The following EFCAB5 variants were observed in gnomAD, a reference collection of about 807,000 sequenced individuals.
EFCAB5 encodes EF-hand calcium-binding domain-containing protein 5.
In EFCAB5, 131 loss-of-function variants were observed where a neutral mutation model predicts 167.9. The observed-to-expected ratio is 0.78, with a 90% confidence interval of 0.68 to 0.90. The LOEUF (loss-of-function observed/expected upper bound fraction) is 0.90. EFCAB5 is among the 40% of genes least tolerant of loss of function. EFCAB5 has a pLI of 0.00. For missense variants in EFCAB5, 1,663 were observed against 1,745.2 expected (o/e 0.95, Z 0.84); for synonymous variants, 574 against 602.8 (o/e 0.95, Z 0.70).
At chr17:29,964,375 A>C (rs2067783510) in intron 3 of EFCAB5, among the ~76,000 whole-genome samples, 1 of 150,876 alleles carries the variant, frequency 6.6e-6, no homozygotes, top group African/African-American at 2.4e-5. Flanking sequence ...GCTCACTGTA[A>C]CCTCCACCTT....
At chr17:29,989,932 C>A (rs1222868503) in intron 4 of EFCAB5, among the ~76,000 whole-genome samples, 1 of 152,090 alleles carries the variant, frequency 6.6e-6, no homozygotes, top group Non-Finnish European at 1.5e-5. Context: ...TTCCTACAAA[C>A]CTTGCGAATT....
intron 3 of EFCAB5, among the ~76,000 whole-genome samples, chr17:29,960,585 T>G (rs538102818): frequency 2.6e-5 from 4 of 152,180 alleles, no homozygotes; most frequent in African/African-American, 9.7e-5. Flanking sequence ...CCTGATGCTC[T>G]CCTTCCCCTA....
At chr17:30,102,022 T>C (rs1448853998) in intron 22 of EFCAB5, among the ~76,000 whole-genome samples, 1 of 152,186 alleles carries the variant, frequency 6.6e-6, no homozygotes, top group Non-Finnish European at 1.5e-5. Flanking sequence ...CAATGAATTA[T>C]TTGACTACCC....
At chr17:30,037,498 C>T (rs781210354) in intron 8 of EFCAB5, among the ~76,000 whole-genome samples, 19 of 152,144 alleles carry the variant, frequency 1.2e-4, no homozygotes, top group Non-Finnish European at 2.6e-4. Context: ...TATAAGCACC[C>T]CCACCCCCCA....
rs566460050 is a variant in EFCAB5, at chr17:30,020,150, C to T, written c.1045-14080C>T. ...CAAATTATATTCCATTGTGTATATA[C>T]ACCACATTTAATCTACTCATTGTTA... is the stretch of plus-strand genomic sequence containing the variant. On this transcript the variant is annotated intron_variant, in intron 7 of 22. Coordinates refer to ENST00000394835, the MANE Select transcript of EFCAB5 (RefSeq NM_198529.4). Among the ~76,000 whole-genome samples, 5 of 152,168 alleles carry T rather than the reference C, an allele frequency of 3.3e-5. No homozygotes were observed. The East Asian group carries it at 7.7e-4, about 23-fold the overall frequency.
intron 4 of EFCAB5, among the ~76,000 whole-genome samples, chr17:29,977,428 T>C (rs1041089641): frequency 3.3e-5 from 5 of 152,174 alleles, no homozygotes; most frequent in Non-Finnish European, 2.9e-5. Flanking sequence ...ACAAATTTCC[T>C]CTCTTTTCTC....
intron 7 of EFCAB5, among the ~76,000 whole-genome samples, chr17:30,022,264 A>G (rs553232034): frequency 2.6e-5 from 4 of 152,172 alleles, no homozygotes; most frequent in Non-Finnish European, 5.9e-5. Flanking sequence ...GCATTGTTGT[A>G]TGGGAGTGTG....
At chr17:29,939,433 T>C (rs2067271224), upstream of EFCAB5, among the ~76,000 whole-genome samples, 1 of 152,140 alleles carries the variant, frequency 6.6e-6, no homozygotes, top group Non-Finnish European at 1.5e-5. Flanking sequence ...AACAAGAGAG[T>C]GAGCCTATCC....
At chr17:30,025,042 A>T (rs998718640) in intron 7 of EFCAB5, among the ~76,000 whole-genome samples, 1 of 152,122 alleles carries the variant, frequency 6.6e-6, no homozygotes, top group Non-Finnish European at 1.5e-5. Flanking sequence ...TTCAAGACGG[A>T]TTAAAGACTT....
intron 1 of EFCAB5, among the ~76,000 whole-genome samples, chr17:29,934,621 G>A (rs1440903840): frequency 1.3e-5 from 2 of 152,148 alleles, no homozygotes; most frequent in Non-Finnish European, 2.9e-5. Flanking sequence ...TGCTCTTTTG[G>A]TACCTGGAAC....
chr17:30,025,316 T>G (rs2069287784), intron 7 of EFCAB5, among the ~76,000 whole-genome samples: 1 of 151,638 alleles, frequency 6.6e-6, no homozygotes, highest in Admixed American at 6.6e-5. Context: ...TCAAACAAAT[T>G]TACAAGAAAA....
Position 30,051,176 on chromosome 17 carries a change from GT to G in EFCAB5, c.1261del (p.Ser421HisfsTer22). 1 of 1,613,986 alleles carries G rather than the reference GT, an allele frequency of 6.2e-7. No homozygotes were observed. Among genetic ancestry groups the G allele is most frequent in the Non-Finnish European group, 8.5e-7 (1 of 1,179,886 alleles). On this transcript the variant is annotated frameshift_variant, in exon 9 of 23. Transcript: ENST00000394835. LOFTEE classifies it high-confidence loss of function. ...LALLELFYDH[S>X]SQMLRSLLRN... ...CTGCTGGAATTGTTCTATGACCATAGTTCACAAATGCTTAGGAGTTTACTTC... is the reference window on the plus strand; with the variant it reads ...CTGCTGGAATTGTTCTATGACCATAGTCACAAATGCTTAGGAGTTTACTTC...
intron 8 of EFCAB5, among the ~76,000 whole-genome samples, chr17:30,043,580 A>G (rs1369784544): frequency 6.6e-6 from 1 of 152,254 alleles, no homozygotes; most frequent in Non-Finnish European, 1.5e-5. Flanking sequence ...TCTACATACT[A>G]GCAAAGAAAT....
chr17:30,069,528 AC>A (rs748118517), intron 14 of EFCAB5: 7 of 1,610,818 alleles, frequency 4.3e-6, no homozygotes, highest in Non-Finnish European at 5.9e-6. Context: ...GGCAACGAAG[AC>A]ATAAGAGAGG....
Position 30,035,919 on chromosome 17 carries a change from A to G in EFCAB5, c.1200+1534A>G, listed in dbSNP as rs1204253051. On this transcript the variant is annotated intron_variant, in intron 8 of 22. Coordinates refer to ENST00000394835, the MANE Select transcript of EFCAB5 (RefSeq NM_198529.4). ...CCTTCAGAGGAAAGATAGAGTCTCA[A>G]AAAAAGAAGTTAGATGAGTTTCTGA... Among the ~76,000 whole-genome samples the G allele has an allele frequency of 2.0e-5, 3 of 151,716 alleles. No individual in the cohort carries two copies. In the East Asian group the frequency reaches 5.8e-4, roughly 29 times the overall value.
rs1246928613 is a variant in EFCAB5, at chr17:30,104,692, C to T, written c.4322-3142C>T. Among the ~76,000 whole-genome samples the T allele has an allele frequency of 2.0e-5, 3 of 152,156 alleles. No individual in the cohort carries two copies. In the East Asian group the frequency reaches 5.8e-4, roughly 29 times the overall value. On this transcript the variant is annotated intron_variant, in intron 22 of 22. Transcript: ENST00000394835. ...CATCTACCACAAGAGGGCAGTAGCA[C>T]TCAACCGTTAATAGGGAACCCAGCA...
At chr17:30,043,481 C>G (rs2069832694) in intron 8 of EFCAB5, among the ~76,000 whole-genome samples, 1 of 151,818 alleles carries the variant, frequency 6.6e-6, no homozygotes. Flanking sequence ...TAAGGAATCT[C>G]AAGAAAAAAG....
chr17:29,967,695 C>T (rs2067859995), intron 3 of EFCAB5, among the ~76,000 whole-genome samples: 1 of 152,128 alleles, frequency 6.6e-6, no homozygotes, highest in Admixed American at 6.5e-5. Flanking sequence ...CACAACTTTT[C>T]CTGTCATTGC....
intron 8 of EFCAB5, among the ~76,000 whole-genome samples, chr17:30,049,266 G>T (rs2070016242): frequency 6.6e-6 from 1 of 152,090 alleles, no homozygotes; most frequent in African/African-American, 2.4e-5. Context: ...CGGATCACGA[G>T]GTCAAGAGAC....
Sources: allele counts gnomAD v4.1 joint callset (sites outside exome capture counted in the v4.1 genomes callset), GRCh38; gene constraint gnomAD v4.1.1; transcripts MANE v1.5; gene names NCBI Gene and HGNC (gene_info 2026-07-23, HGNC 2026-07-21).